Variants in TMEM87B observed in about 807,000 individuals in gnomAD.
The protein encoded by TMEM87B is transmembrane protein 87B.
In TMEM87B, 83 loss-of-function variants were observed where a neutral mutation model predicts 80.3. The ratio of observed to expected loss-of-function variants is 1.03; its 90% confidence interval spans 0.87 to 1.24. The LOEUF is 1.24. Ranked by LOEUF, TMEM87B falls within the 50% of genes most tolerant of loss-of-function variation. The probability of loss-of-function intolerance (pLI) is 0.00; values close to 1 mark genes in which losing one functional copy is unlikely to be tolerated. For missense variants in TMEM87B, 625 were observed against 674.4 expected (o/e 0.93, Z 0.81); for synonymous variants, 219 against 230.5 (o/e 0.95, Z 0.45).
At position 112,055,475 on chromosome 2, in the gene TMEM87B, C is replaced by G; in HGVS notation, c.-117C>G. 1.6e-6 allele frequency: 2 copies of G among 1,244,946 alleles called. No homozygotes were observed. The highest frequency in any genetic ancestry group is 2.9e-4 in the Middle Eastern group (1 of 3,472). 77.1% of individuals were successfully genotyped at this position (1,244,946 alleles called of 1,614,324 possible). A position where few individuals can be genotyped will look rare whatever the true frequency, so the allele number is the denominator to read the frequency against. ...CCAGGCCCAAGCGCGAGCCCCTCCT[C>G]CACACCCGAGTCCGAGCCCCGCGTC... On this transcript the variant is annotated 5_prime_UTR_variant, in exon 1 of 19. Transcript: ENST00000283206.
At chr2:112,076,845 TGTGTG>T (rs1558835561) in intron 5 of TMEM87B, among the ~76,000 whole-genome samples, 34 of 11,604 alleles carry the variant, frequency 2.9e-3, no homozygotes, top group Non-Finnish European at 4.9e-3. Flanking sequence ...TTCTGTTTTG[TGTGTG>T]TGTGTGTGTG....
At chr2:112,105,173 C>A (rs1402726578) in intron 15 of TMEM87B, among the ~76,000 whole-genome samples, 2 of 152,100 alleles carry the variant, frequency 1.3e-5, no homozygotes, top group Non-Finnish European at 2.9e-5. Flanking sequence ...GTTCAAAAAT[C>A]ACTGTATTCC....
chr2:112,109,246 A>T (rs1679848808), intron 17 of TMEM87B, among the ~76,000 whole-genome samples: 1 of 152,230 alleles, frequency 6.6e-6, no homozygotes, highest in Non-Finnish European at 1.5e-5. Context: ...TAGCAGTCAG[A>T]AAAGGAAAAT....
Position 112,117,000 on chromosome 2 carries a change from C to T in TMEM87B, c.*857C>T, listed in dbSNP as rs1680043030. On this transcript the variant is annotated 3_prime_UTR_variant, in exon 19 of 19. Coordinates refer to ENST00000283206, the MANE Select transcript of TMEM87B (RefSeq NM_032824.3). ...GTGGAAATTAGAACTGTATCTTTTA[C>T]ATAATCTTGGCATATTACATTTCAT... The T allele has an allele frequency of 6.6e-6, 1 of 152,500 alleles. No individual in the cohort carries two copies. The highest frequency in any genetic ancestry group is 2.4e-5 in the African/African-American group (1 of 41,444). 9.4% of individuals were successfully genotyped at this position (152,500 alleles called of 1,614,324 possible).
rs572259598 is a variant in TMEM87B, at chr2:112,112,724, A to G, written c.1578-175A>G. 4.7e-4 allele frequency among the ~76,000 whole-genome samples: 72 copies of G among 152,360 alleles called. 1 individual carries two copies. The highest frequency in any genetic ancestry group is 4.7e-3 in the Admixed American group (72 of 15,306). On this transcript the variant is annotated intron_variant, in intron 17 of 18. Transcript: ENST00000283206. ...TCAGTTGAGTGCTATTGAGAACAGC[A>G]CTGCTGCGAAAACTCCTGCATGTCT...
chr2:112,081,749 C>T (rs1227992719), intron 8 of TMEM87B, among the ~76,000 whole-genome samples: 1 of 152,170 alleles, frequency 6.6e-6, no homozygotes, highest in Non-Finnish European at 1.5e-5. Flanking sequence ...TCACTTTCCT[C>T]CTGGGAAAAA....
chr2:112,062,055 C>G (rs1678274694), intron 2 of TMEM87B, among the ~76,000 whole-genome samples: 1 of 152,190 alleles, frequency 6.6e-6, no homozygotes, highest in South Asian at 2.1e-4. Context: ...TTTACGGTTT[C>G]TGTTCATTGT....
At chr2:112,097,353 A>T in intron 13 of TMEM87B, 62 bp downstream of exon 13, 1 of 1,353,088 alleles carries the variant, frequency 7.4e-7, no homozygotes, top group Non-Finnish European at 1.0e-6. Flanking sequence ...AGAATTTTGA[A>T]CAATTTAGTT....
At chr2:112,112,034 C>A (rs1679931358) in intron 17 of TMEM87B, among the ~76,000 whole-genome samples, 3 of 152,148 alleles carry the variant, frequency 2.0e-5, no homozygotes. Flanking sequence ...TCGTATTATT[C>A]CAAACAGTCT....
intron 2 of TMEM87B, among the ~76,000 whole-genome samples, chr2:112,060,447 A>G (rs1029634238): frequency 6.6e-6 from 1 of 152,196 alleles, no homozygotes; most frequent in Non-Finnish European, 1.5e-5. Flanking sequence ...TATATAATAA[A>G]CTAAGCAAAT....
chr2:112,079,286 G>A (rs1304344884), intron 6 of TMEM87B, among the ~76,000 whole-genome samples: 8 of 151,978 alleles, frequency 5.3e-5, no homozygotes, highest in Admixed American at 3.3e-4. Flanking sequence ...CTACCTCCCA[G>A]CCTCTGTACC....
chr2:112,081,156 G>T (rs1678982973), intron 7 of TMEM87B, 38 bp downstream of exon 7: 1 of 1,584,652 alleles, frequency 6.3e-7, no homozygotes, highest in Non-Finnish European at 8.6e-7. Flanking sequence ...TTTAAAAAAT[G>T]AATTTTATAC....
intron 4 of TMEM87B, among the ~76,000 whole-genome samples, chr2:112,071,585 G>C (rs1381741600): frequency 6.6e-6 from 1 of 152,130 alleles, no homozygotes; most frequent in Non-Finnish European, 1.5e-5. Flanking sequence ...GGGATTACAG[G>C]AGTGAGCCAC....
intron 8 of TMEM87B, 101 bp downstream of exon 8, chr2:112,081,619 A>G: frequency 1.9e-6 from 2 of 1,063,038 alleles, no homozygotes; most frequent in South Asian, 3.5e-5. Flanking sequence ...TGGTTTGGAA[A>G]CAGATATATT....
intron 4 of TMEM87B, among the ~76,000 whole-genome samples, chr2:112,067,397 CAG>C (rs1678468658): frequency 6.6e-6 from 1 of 152,128 alleles, no homozygotes; most frequent in Non-Finnish European, 1.5e-5. Context: ...CACCTGTGGT[CAG>C]GAGTTTGAGA....
intron 6 of TMEM87B, among the ~76,000 whole-genome samples, chr2:112,080,771 G>C (rs7573969): frequency 2.6e-5 from 4 of 151,996 alleles, no homozygotes; most frequent in African/African-American, 9.7e-5. Flanking sequence ...TTTGTTGCCC[G>C]TGCTTTTGGG....
At chr2:112,103,394 C>G (rs1366335381) in intron 15 of TMEM87B, among the ~76,000 whole-genome samples, 1 of 152,044 alleles carries the variant, frequency 6.6e-6, no homozygotes, top group Non-Finnish European at 1.5e-5. Context: ...TCAGTGCAAT[C>G]CCAATTATAA....
chr2:112,097,775 C>T (rs890026914), intron 13 of TMEM87B, among the ~76,000 whole-genome samples: 2 of 151,324 alleles, frequency 1.3e-5, no homozygotes, highest in East Asian at 3.9e-4. Flanking sequence ...AAAGTTCCTC[C>T]GAAATCTCCT....
At chr2:112,085,972 C>G in intron 8 of TMEM87B, 33 bp from the exon 9 acceptor site, 1 of 1,589,352 alleles carries the variant, frequency 6.3e-7, no homozygotes, top group African/African-American at 1.3e-5. Flanking sequence ...CAGGTGTAGA[C>G]AAAGTGAATT....
Sources: gnomAD v4.1 joint callset for allele counts (sites outside exome capture counted in the v4.1 genomes callset) on GRCh38, gnomAD v4.1.1 for gene constraint, MANE v1.5 for transcripts, NCBI Gene and HGNC (gene_info 2026-07-23, HGNC 2026-07-21) for gene names.